FAR1: variants seen among roughly 807,000 people sequenced by gnomAD.
The protein encoded by FAR1 is fatty acyl-CoA reductase 1.
FAR1 carries 22 observed loss-of-function variants against 61.1 expected under a neutral mutation model. The observed-to-expected ratio is 0.36, with a 90% confidence interval of 0.26 to 0.51. The LOEUF (loss-of-function observed/expected upper bound fraction) is 0.51, where lower values mean the gene tolerates loss of function less well. Among genes scored for constraint, FAR1 ranks in the 20% least tolerant of loss-of-function variants. FAR1 has a pLI of 0.95. For synonymous variants in FAR1, 206 were observed against 209.7 expected, an observed-to-expected ratio of 0.98 and a Z score of 0.15; for missense variants, 359 against 626.9, an observed-to-expected ratio of 0.57 and a Z score of 4.56.
chr11:13,721,893 T>G lies in FAR1; in HGVS notation c.1257+34T>G. The G allele has an allele frequency of 6.5e-7, 1 of 1,546,634 alleles. No individual in the cohort carries two copies. The highest frequency in any genetic ancestry group is 8.8e-7 in the Non-Finnish European group (1 of 1,138,808). ...GTATTTTCTGTTTTATATTAGAAAA[T>G]AAGTAGCATACTAATTACAGAACTA... is the stretch of plus-strand genomic sequence containing the variant. On this transcript the variant is annotated intron_variant, in intron 10 of 11. Coordinates refer to ENST00000354817, the MANE Select transcript of FAR1 (RefSeq NM_032228.6). The surrounding 1 kb of genome is among the most constrained non-coding windows in gnomAD (Gnocchi z 4.2).
At chr11:13,708,208 A>C (rs1281906119) in intron 4 of FAR1, 129 bp downstream of exon 4, 7 of 558,694 alleles carry the variant, frequency 1.3e-5, no homozygotes, top group Non-Finnish European at 2.0e-5. Flanking sequence ...TAAAAATACG[A>C]AAAAAATTAG....
At chr11:13,700,071 T>G (rs1848353224) in intron 2 of FAR1, among the ~76,000 whole-genome samples, 1 of 152,184 alleles carries the variant, frequency 6.6e-6, no homozygotes, top group Non-Finnish European at 1.5e-5. Context: ...ACCAGCTTTG[T>G]GTACTTAGCA....
chr11:13,718,933 G>A (rs939812096), intron 9 of FAR1, among the ~76,000 whole-genome samples: 3 of 152,072 alleles, frequency 2.0e-5, no homozygotes, highest in African/African-American at 4.8e-5. Context: ...GAGCTTCCTC[G>A]CAGTATGGCA....
chr11:13,728,918 T>TAACA lies in FAR1; in HGVS notation c.*145_*148dup. On this transcript the variant is annotated 3_prime_UTR_variant, in exon 12 of 12. Coordinates refer to ENST00000354817, the MANE Select transcript of FAR1 (RefSeq NM_032228.6). ...GAAGTAAATTATGGTATATTTTATG[T>TAACA]AACATTTTAATGTTTATGCTCATAA... The TAACA allele has an allele frequency of 1.4e-6, 1 of 731,002 alleles. No individual in the cohort carries two copies. Among genetic ancestry groups the TAACA allele is most frequent in the Non-Finnish European group, 2.2e-6 (1 of 459,320 alleles). The allele number at this position is 731,002 out of a possible 1,614,324, so 45.3% of individuals were successfully genotyped here. A position where few individuals can be genotyped will look rare whatever the true frequency, so the allele number is the denominator to read the frequency against.
chr11:13,696,242 A>C (rs969906348), intron 2 of FAR1, among the ~76,000 whole-genome samples: 1 of 151,886 alleles, frequency 6.6e-6, no homozygotes, highest in Non-Finnish European at 1.5e-5. Context: ...GTTCTTACTC[A>C]CTTTTTATTT....
chr11:13,678,668 C>G (rs1848093360), intron 1 of FAR1, among the ~76,000 whole-genome samples: 1 of 152,046 alleles, frequency 6.6e-6, no homozygotes. Flanking sequence ...AGCATTATTT[C>G]CCTAGCTGTG....
intron 1 of FAR1, among the ~76,000 whole-genome samples, chr11:13,677,088 T>A (rs1457672538): frequency 1.3e-5 from 2 of 152,194 alleles, no homozygotes; most frequent in African/African-American, 4.8e-5. Context: ...GTCTTTTCAT[T>A]CTGGATCTCA....
intron 9 of FAR1, chr11:13,719,834 T>G (rs1276947251): frequency 6.6e-6 from 1 of 152,108 alleles, no homozygotes; most frequent in African/African-American, 2.4e-5. Flanking sequence ...AGTGCCAAGG[T>G]TGAGAAACCC....
intron 1 of FAR1, among the ~76,000 whole-genome samples, chr11:13,684,409 A>G (rs1848163855): frequency 6.6e-6 from 1 of 152,242 alleles, no homozygotes; most frequent in Non-Finnish European, 1.5e-5. Context: ...CCATAGAAGT[A>G]AAGGGAAGAT....
At chr11:13,707,377 T>C (rs1379022597) in intron 3 of FAR1, among the ~76,000 whole-genome samples, 4 of 152,198 alleles carry the variant, frequency 2.6e-5, no homozygotes, top group Admixed American at 6.5e-5. Flanking sequence ...TTTGGATTGA[T>C]TGCTACAAAG....
At chr11:13,712,147 C>T in intron 7 of FAR1, 101 bp downstream of exon 7, 2 of 837,538 alleles carry the variant, frequency 2.4e-6, no homozygotes, top group East Asian at 2.5e-5. Flanking sequence ...CAGATATTGC[C>T]ATACCAATAT....
At chr11:13,678,160 C>T (rs964554884) in intron 1 of FAR1, among the ~76,000 whole-genome samples, 6 of 152,190 alleles carry the variant, frequency 3.9e-5, no homozygotes, top group Admixed American at 2.0e-4. Context: ...TAGTGGAATA[C>T]AAATTGAAGT....
At chr11:13,725,838 AC>A (rs1328545223) in intron 10 of FAR1, among the ~76,000 whole-genome samples, 1 of 151,772 alleles carries the variant, frequency 6.6e-6, no homozygotes, top group African/African-American at 2.4e-5. Context: ...GGAGAACTTA[AC>A]CCCTATGTAA....
intron 4 of FAR1, among the ~76,000 whole-genome samples, chr11:13,710,230 G>A (rs919599290): frequency 6.6e-6 from 1 of 151,942 alleles, no homozygotes; most frequent in African/African-American, 2.4e-5. Context: ...ATACAGATCT[G>A]TATTTCCTAA....
At chr11:13,696,325 A>G (rs987038365) in intron 2 of FAR1, among the ~76,000 whole-genome samples, 9 of 152,124 alleles carry the variant, frequency 5.9e-5, no homozygotes, top group Admixed American at 3.9e-4. Context: ...TTCAGGGATA[A>G]GTAAGATACG....
intron 1 of FAR1, among the ~76,000 whole-genome samples, chr11:13,671,764 G>A (rs1848007438): frequency 6.6e-6 from 1 of 152,158 alleles, no homozygotes; most frequent in African/African-American, 2.4e-5. Context: ...GAGGGGACAG[G>A]TCAGGATTGG....
At chr11:13,682,406 A>T (rs1177015242) in intron 1 of FAR1, among the ~76,000 whole-genome samples, 1 of 152,104 alleles carries the variant, frequency 6.6e-6, no homozygotes, top group Non-Finnish European at 1.5e-5. Context: ...CTGTTTTTTT[A>T]AAGTTTTATT....
chr11:13,696,793 A>G (rs1388765446), intron 2 of FAR1, among the ~76,000 whole-genome samples: 3 of 152,116 alleles, frequency 2.0e-5, no homozygotes, highest in African/African-American at 4.8e-5. Flanking sequence ...TTTTATGTCA[A>G]ATAGCAGTGA....
At chr11:13,709,362 C>G (rs1013890385) in intron 4 of FAR1, among the ~76,000 whole-genome samples, 1 of 152,068 alleles carries the variant, frequency 6.6e-6, no homozygotes, top group African/African-American at 2.4e-5. Context: ...CTTCATAGAT[C>G]AATAAACAGA....
Sources: allele counts gnomAD v4.1 joint callset (sites outside exome capture counted in the v4.1 genomes callset), GRCh38; gene constraint gnomAD v4.1.1; non-coding constraint Gnocchi (gnomAD v3.1); transcripts MANE v1.5; gene names NCBI Gene and HGNC (gene_info 2026-07-23, HGNC 2026-07-21).